Variants in PPP1R18 observed in about 807,000 individuals in gnomAD.
PPP1R18 encodes phostensin.
A neutral mutation model predicts 54.8 loss-of-function variants in PPP1R18; 31 were observed. That is an observed-to-expected ratio of 0.57 (90% CI 0.43 to 0.76). The LOEUF (loss-of-function observed/expected upper bound fraction) is 0.76, where lower values mean the gene tolerates loss of function less well. Ranked by LOEUF, PPP1R18 falls within the 30% of genes least tolerant of loss-of-function variation. The pLI is 0.00. For synonymous variants in PPP1R18, 310 were observed against 320.2 expected, an observed-to-expected ratio of 0.97 and a Z score of 0.34; for missense variants, 685 against 776.1, an observed-to-expected ratio of 0.88 and a Z score of 1.39.
chr6:30,677,358 C>CA (rs1224029040), intron 2 of PPP1R18, 70 bp from the exon 3 acceptor site: 3 of 1,381,500 alleles, frequency 2.2e-6, no homozygotes, highest in African/African-American at 1.5e-5. Context: ...CCTTCCCCCC[C>CA]ACACAAATTG....
Position 30,684,718 on chromosome 6 carries a change from G to C in PPP1R18, c.1301C>G (p.Pro434Arg), listed in dbSNP as rs568205183. 24 of 1,500,382 alleles carry C rather than the reference G, an allele frequency of 1.6e-5. No individual in the cohort carries two copies. Among genetic ancestry groups the C allele is most frequent in the Non-Finnish European group, 2.1e-5 (23 of 1,117,662 alleles). The allele number at this position is 1,500,382 out of a possible 1,614,324, so 92.9% of individuals were successfully genotyped here. Reference sequence around the variant, plus strand: ...TTGGGGGGCAGTTGGGGCTGGGGGTGGGGGAGACAGAGGGGCTGGTGGTGG... The same window carrying C: ...TTGGGGGGCAGTTGGGGCTGGGGGTCGGGGAGACAGAGGGGCTGGTGGTGG... ...QPPPPAPLSP[P>R]PPAPTAPQPP... Residue 434 changes from proline to arginine, a missense_variant, in exon 1 of 3, where the codon CCA becomes CGA. Pro to Arg is a moderately radical substitution (Grantham distance 103). Transcript: ENST00000274853. The surrounding 1 kb of genome is among the most constrained non-coding windows in gnomAD (Gnocchi z 6.0).
In PPP1R18 at chr6:30,684,689, G is replaced by C. The variant is rs1408252955; in HGVS notation, c.1330C>G (p.Pro444Ala). The C allele has an allele frequency of 1.3e-6, 2 of 1,485,184 alleles. No individual in the cohort carries two copies. Among genetic ancestry groups the C allele is most frequent in the Admixed American group, 2.4e-5 (1 of 42,430 alleles). 92.0% of individuals were successfully genotyped at this position (1,485,184 alleles called of 1,614,324 possible). A position where few individuals can be genotyped will look rare whatever the true frequency, so the allele number is the denominator to read the frequency against. ...AGGCGGCTCATGAGGGGATCCCCAGGAGGTTGGGGGGCAGTTGGGGCTGGG... is the reference window on the plus strand; with the variant it reads ...AGGCGGCTCATGAGGGGATCCCCAGCAGGTTGGGGGGCAGTTGGGGCTGGG... ...PPPAPTAPQP[P>A]GDPLMSRLFY... The change falls in exon 1 of 3, where the codon CCT (proline) becomes GCT (alanine). Residue 444 changes from proline to alanine, a missense_variant. Pro to Ala is a conservative substitution (Grantham distance 27, BLOSUM62 -1). Coordinates refer to ENST00000274853, the MANE Select transcript of PPP1R18 (RefSeq NM_133471.4). The surrounding 1 kb of genome is among the most constrained non-coding windows in gnomAD (Gnocchi z 6.0).
chr6:30,683,644 G>C lies in PPP1R18; in HGVS notation c.1611+764C>G, dbSNP rs1770683367. On this transcript the variant is annotated intron_variant, in intron 1 of 2. Transcript: ENST00000274853. This position sits in a 1 kb window ranked among gnomAD's most constrained non-coding sequence, Gnocchi z 5.1. ...GGAAGGACAGGGGAGTGAGGGGCGG[G>C]GGTATTTTGGAAGAGGAGAAGGCTT... is the stretch of plus-strand genomic sequence containing the variant. Among the ~76,000 whole-genome samples the C allele has an allele frequency of 1.3e-5, 2 of 152,198 alleles. No homozygotes were observed. The highest frequency in any genetic ancestry group is 4.8e-5 in the African/African-American group (2 of 41,456).
Position 30,686,164 on chromosome 6 carries a change from G to A in PPP1R18, c.-146C>T. 1.3e-6 allele frequency: 1 copy of A among 777,716 alleles called. No individual in the cohort carries two copies. Among genetic ancestry groups the A allele is most frequent in the South Asian group, 1.7e-5 (1 of 57,352 alleles). The allele number at this position is 777,716 out of a possible 1,614,324, so 48.2% of individuals were successfully genotyped here. On this transcript the variant is annotated 5_prime_UTR_variant, in exon 1 of 3. Coordinates refer to ENST00000274853, the MANE Select transcript of PPP1R18 (RefSeq NM_133471.4). ...GGTGGGACACAAAGCAGGGCAGAGG[G>A]GCTAAGGATGAGGACAGAGGGAAAG...
At position 30,684,607 on chromosome 6, in the gene PPP1R18, G is replaced by A. The variant is rs1770752251; in HGVS notation, c.1412C>T (p.Thr471Ile). The A allele has an allele frequency of 6.3e-7, 1 of 1,584,370 alleles. No homozygotes were observed. Among genetic ancestry groups the A allele is most frequent in the Admixed American group, 1.8e-5 (1 of 55,376 alleles). ...GVGAPRRSGHTFTVNPRRSVP... is the reference protein window; with the variant it reads ...GVGAPRRSGHIFTVNPRRSVP... The stretch of plus-strand genomic sequence containing the variant: ...AGACCGCCGGGGGTTGACGGTGAAG[G>A]TGTGTCCACTGCGGCGGGGGGCCCC... Residue 471 changes from threonine (T) to isoleucine (I), a missense_variant, in exon 1 of 3, where the codon ACC becomes ATC. Coordinates refer to ENST00000274853, the MANE Select transcript of PPP1R18 (RefSeq NM_133471.4). The surrounding 1 kb of genome is among the most constrained non-coding windows in gnomAD (Gnocchi z 6.0).
intron 1 of PPP1R18, among the ~76,000 whole-genome samples, chr6:30,680,467 A>T (rs904787053): frequency 2.6e-5 from 4 of 152,134 alleles, no homozygotes; most frequent in Non-Finnish European, 4.4e-5. Context: ...TGAGTCCCCT[A>T]ATGAACTGAG....
At chr6:30,680,410 C>T (rs1056919240) in intron 1 of PPP1R18, among the ~76,000 whole-genome samples, 3 of 152,170 alleles carry the variant, frequency 2.0e-5, no homozygotes, top group Non-Finnish European at 4.4e-5. Flanking sequence ...CTACTCAGGC[C>T]TTCCCTGGCA....
chr6:30,682,666 A>G lies in PPP1R18; in HGVS notation c.1611+1742T>C, dbSNP rs530387638. ...TTCTCTCACCACATCCTGAGCACAG[A>G]TCTGGCAGGCCCAGGGCCCAGGGCC... On this transcript the variant is annotated intron_variant, in intron 1 of 2. Transcript: ENST00000274853. 6.6e-5 allele frequency among the ~76,000 whole-genome samples: 10 copies of G among 151,262 alleles called. No homozygotes were observed. The South Asian group carries it at 2.1e-3, about 32-fold the overall frequency.
At position 30,676,431 on chromosome 6, in the gene PPP1R18, C is replaced by T. The variant is rs1770182802; in HGVS notation, c.*838G>A. On this transcript the variant is annotated 3_prime_UTR_variant, in exon 3 of 3. Coordinates refer to ENST00000274853, the MANE Select transcript of PPP1R18 (RefSeq NM_133471.4). ...TTATTATGGAAAGTTAAAAAACAAA[C>T]AAAACAAAACAGGCAATTGATAAAG... 1 of 151,432 alleles carries T rather than the reference C, an allele frequency of 6.6e-6. No homozygotes were observed. Among genetic ancestry groups the T allele is most frequent in the African/African-American group, 2.4e-5 (1 of 41,122 alleles). The allele number at this position is 151,432 out of a possible 1,614,324, so 9.4% of individuals were successfully genotyped here.
In PPP1R18 at chr6:30,685,394, A is replaced by G. The variant is rs1770843169; in HGVS notation, c.625T>C (p.Ser209Pro). The change falls in exon 1 of 3, where the codon TCT becomes CCT. Residue 209 changes from serine to proline, a missense_variant. Transcript: ENST00000274853. The surrounding 1 kb of genome is among the most constrained non-coding windows in gnomAD (Gnocchi z 5.0). ...TTTCTCCTGGGGCTTTGCTCTCGAG[A>G]CTCTGCTAGTCTCAGACTCCGCTCT... ...TPERSLRLAESREQSPRRKEV... is the reference protein window; with the variant it reads ...TPERSLRLAEPREQSPRRKEV... 6 of 1,611,904 alleles carry G rather than the reference A, an allele frequency of 3.7e-6. No individual in the cohort carries two copies. The highest frequency in any genetic ancestry group is 5.1e-6 in the Non-Finnish European group (6 of 1,179,782).
chr6:30,685,543 G>C lies in PPP1R18; in HGVS notation c.476C>G (p.Ala159Gly), dbSNP rs556349526. ...CAGAGGCCTCAGGCTCAACTCTTGGGCTCCCCCTATCCCCAGCCTCCTCTC... is the reference window on the plus strand; with the variant it reads ...CAGAGGCCTCAGGCTCAACTCTTGGCCTCCCCCTATCCCCAGCCTCCTCTC... ...TRERRLGIGG[A>G]QELSLRPLEA... Residue 159 changes from alanine (A) to glycine (G), a missense_variant, in exon 1 of 3, where the codon GCC becomes GGC. By Grantham distance (60) the Ala-to-Gly change is moderately conservative. Coordinates refer to ENST00000274853, the MANE Select transcript of PPP1R18 (RefSeq NM_133471.4). This position sits in a 1 kb window ranked among gnomAD's most constrained non-coding sequence, Gnocchi z 5.0. The C allele has an allele frequency of 1.9e-6, 3 of 1,612,770 alleles. No homozygotes were observed. Among genetic ancestry groups the C allele is most frequent in the Non-Finnish European group, 2.5e-6 (3 of 1,179,946 alleles).
chr6:30,680,977 C>T (rs901339755), intron 1 of PPP1R18, among the ~76,000 whole-genome samples: 13 of 151,172 alleles, frequency 8.6e-5, no homozygotes, highest in African/African-American at 2.9e-4. Context: ...CCCAGCTACT[C>T]GAGAGGACGA....
At chr6:30,682,567 G>A (rs1432336860) in intron 1 of PPP1R18, among the ~76,000 whole-genome samples, 4 of 152,058 alleles carry the variant, frequency 2.6e-5, no homozygotes, top group African/African-American at 9.7e-5. Context: ...GAGGGTGGAG[G>A]GTGAGGCGTC....
At chr6:30,677,348 C>G (rs1186405246) in intron 2 of PPP1R18, 60 bp from the exon 3 acceptor site, 12 of 1,445,520 alleles carry the variant, frequency 8.3e-6, no homozygotes, top group Non-Finnish European at 1.1e-5. Flanking sequence ...TTCTGCCCAC[C>G]CTTCCCCCCC....
In PPP1R18 at chr6:30,684,622, C is replaced by CG; in HGVS notation, c.1396dup (p.Arg466ProfsTer30). On this transcript the variant is annotated frameshift_variant, in exon 1 of 3. Coordinates refer to ENST00000274853, the MANE Select transcript of PPP1R18 (RefSeq NM_133471.4). LOFTEE classifies it high-confidence loss of function. The surrounding 1 kb of genome is among the most constrained non-coding windows in gnomAD (Gnocchi z 6.0). ...GACGGTGAAGGTGTGTCCACTGCGG[C>CG]GGGGGGCCCCCACCCCTGGCCCTGC... 1 of 1,518,166 alleles carries CG rather than the reference C, an allele frequency of 6.6e-7. No individual in the cohort carries two copies. The highest frequency in any genetic ancestry group is 8.9e-7 in the Non-Finnish European group (1 of 1,128,284). 94.0% of individuals were successfully genotyped at this position (1,518,166 alleles called of 1,614,324 possible). A position where few individuals can be genotyped will look rare whatever the true frequency, so the allele number is the denominator to read the frequency against.
upstream of PPP1R18, chr6:30,688,360 C>G (rs1410992007): frequency 6.1e-6 from 3 of 494,490 alleles, no homozygotes; most frequent in African/African-American, 5.8e-5. The surrounding 1 kb of genome is among the most constrained non-coding windows in gnomAD (Gnocchi z 5.9). Context: ...CAGGGCAGAT[C>G]CTTTCCTTCT....
chr6:30,682,018 A>G (rs1348215728), intron 1 of PPP1R18, among the ~76,000 whole-genome samples: 1 of 152,180 alleles, frequency 6.6e-6, no homozygotes, highest in Non-Finnish European at 1.5e-5. Flanking sequence ...TGTAACTGAC[A>G]GATTTACCCA....
Position 30,685,772 on chromosome 6 carries a change from C to T in PPP1R18, c.247G>A (p.Gly83Arg), listed in dbSNP as rs116704984. 1.5e-3 allele frequency: 2,388 copies of T among 1,613,002 alleles called. 22 individuals carry two copies. The African/African-American group carries it at 0.024, about 16-fold the overall frequency. ...ATGAATCGGTTCTGGTGCACTGGCC[C>T]GATGGCCTCCAGAAGGACCGCAGAC... ...DESAVLLEAI[G>R]PVHQNRFIRQ... Residue 83 changes from glycine (G) to arginine (R), a missense_variant, in exon 1 of 3, where the codon GGG becomes AGG. Coordinates refer to ENST00000274853, the MANE Select transcript of PPP1R18 (RefSeq NM_133471.4). The surrounding 1 kb of genome is among the most constrained non-coding windows in gnomAD (Gnocchi z 5.0).
chr6:30,680,536 A>C (rs544022644), intron 1 of PPP1R18, among the ~76,000 whole-genome samples: 2 of 152,304 alleles, frequency 1.3e-5, no homozygotes, highest in East Asian at 3.9e-4. Flanking sequence ...GAGCTGCATC[A>C]ATATGACACC....
Sources: allele counts gnomAD v4.1 joint callset (sites outside exome capture counted in the v4.1 genomes callset), GRCh38; gene constraint gnomAD v4.1.1; non-coding constraint Gnocchi (gnomAD v3.1); transcripts MANE v1.5; gene names NCBI Gene and HGNC (gene_info 2026-07-23, HGNC 2026-07-21).